The following MBD5 variants were observed in gnomAD, a reference collection of about 807,000 sequenced individuals.
MBD5 encodes the protein methyl-CpG binding domain protein 5.
Under a neutral mutation model 117.3 loss-of-function variants are expected in MBD5, and 13 were observed. The ratio of observed to expected loss-of-function variants is 0.11; its 90% CI spans 0.07 to 0.18. The LOEUF (loss-of-function observed/expected upper bound fraction) is 0.18, where lower values mean the gene tolerates loss of function less well. MBD5 is among the 10% of genes least tolerant of loss of function. The pLI is 1.00. For missense variants in MBD5, 1,879 were observed against 2,093.8 expected (o/e 0.90, Z 2.00); for synonymous variants, 727 against 766.4 (o/e 0.95, Z 0.85).
chr2:148,325,706 T>A (rs902947235), intron 3 of MBD5, among the ~76,000 whole-genome samples: 1 of 152,176 alleles, frequency 6.6e-6, no homozygotes, highest in Non-Finnish European at 1.5e-5. Flanking sequence ...TTTTATTGCG[T>A]CTACTTGATT....
At chr2:148,460,817 C>T (rs1170083213) in intron 5 of MBD5, among the ~76,000 whole-genome samples, 1 of 152,150 alleles carries the variant, frequency 6.6e-6, no homozygotes, top group East Asian at 1.9e-4. Context: ...TTTAATTTTA[C>T]AATTAAATTC....
chr2:148,226,329 T>C (rs1307916148), intron 2 of MBD5, among the ~76,000 whole-genome samples: 1 of 152,176 alleles, frequency 6.6e-6, no homozygotes, highest in Non-Finnish European at 1.5e-5. Context: ...GTTCTCATTG[T>C]TCAATTCCCA....
chr2:148,516,898 T>A lies in MBD5; in HGVS notation c.*3957T>A, dbSNP rs1682353561. 6.6e-6 allele frequency: 1 copy of A among 152,240 alleles called. No homozygotes were observed. Among genetic ancestry groups the A allele is most frequent in the Admixed American group, 6.5e-5 (1 of 15,292 alleles). 9.4% of individuals were successfully genotyped at this position (152,240 alleles called of 1,614,324 possible). A position where few individuals can be genotyped will look rare whatever the true frequency, so the allele number is the denominator to read the frequency against. ...TTGGAAAATTTGATGCCAGATGGCT[T>A]CATAATATACAAATGTGTTTTGTAA... On this transcript the variant is annotated 3_prime_UTR_variant, in exon 14 of 14. Transcript: ENST00000642680.
chr2:148,121,486 T>A (rs1361812825), intron 1 of MBD5, among the ~76,000 whole-genome samples: 1 of 152,106 alleles, frequency 6.6e-6, no homozygotes, highest in Non-Finnish European at 1.5e-5. Context: ...TGGCTATATA[T>A]CTAGCACCTA....
intron 1 of MBD5, among the ~76,000 whole-genome samples, chr2:148,022,880 G>A (rs546838879): frequency 1.3e-5 from 2 of 152,210 alleles, no homozygotes; most frequent in East Asian, 1.9e-4. Flanking sequence ...TGTATAATGT[G>A]TTCTTAGTGC....
Position 148,318,083 on chromosome 2 carries a change from A to G in MBD5, c.-679-24131A>G, listed in dbSNP as rs539618719. Among the ~76,000 whole-genome samples the G allele has an allele frequency of 2.6e-5, 4 of 152,266 alleles. No homozygotes were observed. In the East Asian group the frequency reaches 7.7e-4, roughly 29 times the overall value. Reference sequence around the variant, plus strand: ...TTACATTCCTACCAATGGTGTATACATATTTTCTATTATCCCCATCCTCTG... The same window carrying G: ...TTACATTCCTACCAATGGTGTATACGTATTTTCTATTATCCCCATCCTCTG... On this transcript the variant is annotated intron_variant, in intron 3 of 13. Transcript: ENST00000642680.
intron 12 of MBD5, among the ~76,000 whole-genome samples, chr2:148,509,372 T>C (rs1206441235): frequency 6.6e-6 from 1 of 152,218 alleles, no homozygotes; most frequent in Non-Finnish European, 1.5e-5. Flanking sequence ...GTGTGTGTTA[T>C]TCGGGCCAAA....
intron 4 of MBD5, among the ~76,000 whole-genome samples, chr2:148,384,237 T>C (rs1256950215): frequency 2.0e-5 from 3 of 152,168 alleles, no homozygotes; most frequent in African/African-American, 7.2e-5. Flanking sequence ...AAAATCTCCT[T>C]AAGCTGATAA....
chr2:148,329,809 G>A (rs1702583923), intron 3 of MBD5, among the ~76,000 whole-genome samples: 1 of 151,972 alleles, frequency 6.6e-6, no homozygotes. Context: ...GGGTACTTTG[G>A]TTTTTATAAA....
chr2:148,149,133 C>T (rs1381965126), intron 1 of MBD5, among the ~76,000 whole-genome samples: 1 of 146,910 alleles, frequency 6.8e-6, no homozygotes, highest in Non-Finnish European at 1.5e-5. Flanking sequence ...TATTCCCCTT[C>T]CTGTGTCCAT....
chr2:148,084,528 T>C (rs1419528986), intron 1 of MBD5, among the ~76,000 whole-genome samples: 2 of 152,210 alleles, frequency 1.3e-5, no homozygotes, highest in East Asian at 3.8e-4. Context: ...AATCTTTCCA[T>C]GGAAATTTAG....
chr2:148,390,121 T>C (rs1012117372), intron 4 of MBD5, among the ~76,000 whole-genome samples: 13 of 152,148 alleles, frequency 8.5e-5, no homozygotes, highest in Admixed American at 2.0e-4. Flanking sequence ...GAAGTCCAGT[T>C]TCATTCTTCA....
rs1697304376 is a variant in MBD5 at position 148,141,207 on chromosome 2, A to T, written c.-924-37493A>T. On this transcript the variant is annotated intron_variant, in intron 1 of 13. Coordinates refer to ENST00000642680, the MANE Select transcript of MBD5 (RefSeq NM_001378120.1). The stretch of plus-strand genomic sequence containing the variant: ...CTGTGGGTTTTGGAAAACCTACTCA[A>T]TGTAAAGTTTCAGCCTGTATAGTAA... 2.0e-5 allele frequency among the ~76,000 whole-genome samples: 3 copies of T among 152,198 alleles called. No homozygotes were observed. The South Asian group carries it at 6.2e-4, about 31-fold the overall frequency.
At chr2:148,503,178 T>C (rs543682062) in intron 12 of MBD5, among the ~76,000 whole-genome samples, 1 of 152,346 alleles carries the variant, frequency 6.6e-6, no homozygotes, top group South Asian at 2.1e-4. Context: ...ACAAATGTGC[T>C]TCTCTATATG....
rs186295496 is a variant in MBD5 at position 148,484,246 on chromosome 2, A to G, written c.3544+111A>G. On this transcript the variant is annotated intron_variant, in intron 9 of 13. Coordinates refer to ENST00000642680, the MANE Select transcript of MBD5 (RefSeq NM_001378120.1). ...CACTATTTTTAAAAATGTTTTTGTTATGTCACAGCTTGCTTAAGGAACTAA... is the reference window on the plus strand; with the variant it reads ...CACTATTTTTAAAAATGTTTTTGTTGTGTCACAGCTTGCTTAAGGAACTAA... 17 of 946,866 alleles carry G rather than the reference A, an allele frequency of 1.8e-5. No individual in the cohort carries two copies. In the Admixed American group the frequency reaches 2.9e-4, roughly 16 times the overall value. The allele number at this position is 946,866 out of a possible 1,614,324, so 58.7% of individuals were successfully genotyped here.
chr2:148,107,834 G>A (rs1271768098), intron 1 of MBD5, among the ~76,000 whole-genome samples: 1 of 151,972 alleles, frequency 6.6e-6, no homozygotes, highest in Non-Finnish European at 1.5e-5. Context: ...ATTTTTAAAT[G>A]AATTTAAATG....
At chr2:148,271,102 A>G (rs957175156) in intron 3 of MBD5, among the ~76,000 whole-genome samples, 1 of 152,218 alleles carries the variant, frequency 6.6e-6, no homozygotes, top group Non-Finnish European at 1.5e-5. Context: ...TATTGTTAAA[A>G]TATGGAGTCT....
At chr2:148,227,511 C>G (rs1699862837) in intron 2 of MBD5, among the ~76,000 whole-genome samples, 1 of 152,166 alleles carries the variant, frequency 6.6e-6, no homozygotes, top group African/African-American at 2.4e-5. Context: ...GTTTTAGTTA[C>G]TGTGGGCTTG....
chr2:148,223,310 G>GT (rs1278054195), intron 2 of MBD5, among the ~76,000 whole-genome samples: 4 of 151,754 alleles, frequency 2.6e-5, no homozygotes, highest in Non-Finnish European at 5.9e-5. Context: ...TCCCTTTTCT[G>GT]TTTTTTGGAG....
Sources: gnomAD v4.1 joint callset for allele counts (sites outside exome capture counted in the v4.1 genomes callset) on GRCh38, gnomAD v4.1.1 for gene constraint, MANE v1.5 for transcripts, NCBI Gene and HGNC (gene_info 2026-07-23, HGNC 2026-07-21) for gene names.